Variants in COP1 observed in about 807,000 individuals in gnomAD.
COP1 encodes the protein E3 ubiquitin-protein ligase COP1.
Under a neutral mutation model 101.3 loss-of-function variants are expected in COP1, and 24 were observed. The ratio of observed to expected loss-of-function variants is 0.24; its 90% CI spans 0.17 to 0.33. The LOEUF (loss-of-function observed/expected upper bound fraction) is 0.33, where lower values mean the gene tolerates loss of function less well. Ranked by LOEUF, COP1 falls within the 10% of genes least tolerant of loss-of-function variation. The pLI is 1.00. For missense variants in COP1, 663 were observed against 906.2 expected, an observed-to-expected ratio of 0.73 and a Z score of 3.45; for synonymous variants, 347 against 341.9, an observed-to-expected ratio of 1.01 and a Z score of -0.17.
intron 18 of COP1, among the ~76,000 whole-genome samples, chr1:175,963,357 A>G (rs1355950554): frequency 6.6e-6 from 1 of 152,140 alleles, no homozygotes; most frequent in African/African-American, 2.4e-5. Context: ...CTTTATTAGA[A>G]GTTTCTTAAA....
At chr1:176,120,964 C>A (rs1241318316) in intron 8 of COP1, among the ~76,000 whole-genome samples, 1 of 151,758 alleles carries the variant, frequency 6.6e-6, no homozygotes, top group Non-Finnish European at 1.5e-5. Flanking sequence ...TAAACATAGA[C>A]AATAAATATG....
intron 15 of COP1, among the ~76,000 whole-genome samples, chr1:176,000,997 T>A (rs1412837626): frequency 6.6e-6 from 1 of 152,080 alleles, no homozygotes; most frequent in African/African-American, 2.4e-5. Flanking sequence ...ATTATGGCCA[T>A]ACATATTACA....
intron 6 of COP1, among the ~76,000 whole-genome samples, chr1:176,145,971 A>T (rs932994554): frequency 6.6e-6 from 1 of 152,162 alleles, no homozygotes; most frequent in South Asian, 2.1e-4. Context: ...TGGTCACTCT[A>T]CTGTAATTCT....
intron 6 of COP1, among the ~76,000 whole-genome samples, chr1:176,143,614 C>G (rs1433553628): frequency 1.3e-5 from 2 of 151,872 alleles, no homozygotes; most frequent in Non-Finnish European, 2.9e-5. Flanking sequence ...ATAAGCAAAC[C>G]AAACCATATA....
chr1:176,204,220 G>C (rs747850647), intron 1 of COP1, among the ~76,000 whole-genome samples: 4 of 152,098 alleles, frequency 2.6e-5, no homozygotes, highest in Non-Finnish European at 5.9e-5. Flanking sequence ...GCCTCAATGA[G>C]AAAATAATTA....
intron 1 of COP1, among the ~76,000 whole-genome samples, chr1:176,197,887 T>C (rs1332547896): frequency 6.6e-6 from 1 of 151,930 alleles, no homozygotes; most frequent in Non-Finnish European, 1.5e-5. Context: ...GAAATCGAAA[T>C]TAAAAGAACA....
At chr1:176,169,705 C>T (rs773812141) in intron 3 of COP1, among the ~76,000 whole-genome samples, 23 of 152,198 alleles carry the variant, frequency 1.5e-4, no homozygotes, top group Admixed American at 1.1e-3. Flanking sequence ...TCCATGTTGA[C>T]GGCTGCTGAC....
chr1:176,084,795 T>C (rs1679828386), intron 10 of COP1, among the ~76,000 whole-genome samples: 1 of 152,096 alleles, frequency 6.6e-6, no homozygotes, highest in Non-Finnish European at 1.5e-5. Flanking sequence ...AATATAAACA[T>C]ATGTATTCAA....
chr1:176,081,229 A>C lies in COP1; in HGVS notation c.1200T>G (p.Thr400=). Residue 400 remains threonine (T), a synonymous_variant, in exon 11 of 20, where the codon ACT becomes ACG. Transcript: ENST00000367669. ...CTAAAGGTCGTACTGAATTATATCG[A>C]GTAAACTTGGACAAGCATTCCTGAA... ...DEFQECLSKF[T]RYNSVRPLAT... is the part of the protein sequence containing the mutation. The C allele has an allele frequency of 6.2e-7, 1 of 1,610,922 alleles. No individual in the cohort carries two copies. The highest frequency in any genetic ancestry group is 8.5e-7 in the Non-Finnish European group (1 of 1,178,054).
At chr1:176,113,320 C>A (rs535362318) in intron 9 of COP1, among the ~76,000 whole-genome samples, 1 of 152,120 alleles carries the variant, frequency 6.6e-6, no homozygotes, top group Non-Finnish European at 1.5e-5. Flanking sequence ...TTTACATATA[C>A]CTATTGACCA....
At chr1:176,058,125 G>A (rs1571978836) in intron 11 of COP1, among the ~76,000 whole-genome samples, 1 of 73,442 alleles carries the variant, frequency 1.4e-5, no homozygotes, top group South Asian at 5.7e-4. Context: ...CCGTCGGGAG[G>A]GAGGTGGGGT....
intron 6 of COP1, among the ~76,000 whole-genome samples, chr1:176,140,632 C>A (rs973594149): frequency 6.6e-6 from 1 of 152,026 alleles, no homozygotes; most frequent in Non-Finnish European, 1.5e-5. Flanking sequence ...GTAAACATAA[C>A]CCCGGGAAGG....
intron 14 of COP1, among the ~76,000 whole-genome samples, chr1:176,039,723 C>T (rs1470723199): frequency 6.6e-6 from 1 of 151,938 alleles, no homozygotes; most frequent in Non-Finnish European, 1.5e-5. Flanking sequence ...ACATATAAAC[C>T]AACAGAAGAG....
intron 15 of COP1, among the ~76,000 whole-genome samples, chr1:176,007,245 C>G (rs1371925726): frequency 1.3e-5 from 2 of 152,102 alleles, no homozygotes; most frequent in Non-Finnish European, 2.9e-5. Flanking sequence ...ATACATTCTT[C>G]TAAATTTTTT....
rs566351916 is a variant in COP1, at chr1:176,191,856, G to A, written c.408-7164C>T. Reference sequence around the variant, plus strand: ...AGACCTGTGTTTAACATTGCCTTAAGTCACAGGCTCTATGAATAAGGAGAC... The same window carrying A: ...AGACCTGTGTTTAACATTGCCTTAAATCACAGGCTCTATGAATAAGGAGAC... On this transcript the variant is annotated intron_variant, in intron 1 of 19. Transcript: ENST00000367669. Among the ~76,000 whole-genome samples, 9 of 152,232 alleles carry A rather than the reference G, an allele frequency of 5.9e-5. No individual in the cohort carries two copies. In the South Asian group the frequency reaches 8.3e-4, roughly 14 times the overall value.
chr1:176,181,860 A>T (rs1697824129), intron 2 of COP1, among the ~76,000 whole-genome samples: 1 of 151,814 alleles, frequency 6.6e-6, no homozygotes, highest in African/African-American at 2.4e-5. Flanking sequence ...AAACCAAACA[A>T]ATAAACAAAA....
chr1:176,021,938 CT>C (rs35280966), intron 15 of COP1, among the ~76,000 whole-genome samples: 2 of 152,206 alleles, frequency 1.3e-5, no homozygotes, highest in Non-Finnish European at 2.9e-5. Flanking sequence ...TACTTGTTAA[CT>C]TTCGTGTTCA....
At chr1:176,078,483 T>C (rs1372568173) in intron 11 of COP1, among the ~76,000 whole-genome samples, 2 of 152,070 alleles carry the variant, frequency 1.3e-5, no homozygotes, top group African/African-American at 4.8e-5. Flanking sequence ...TTTCACCATA[T>C]ACAATAACTC....
chr1:175,971,978 C>T (rs1424865778), intron 18 of COP1, among the ~76,000 whole-genome samples: 9 of 152,182 alleles, frequency 5.9e-5, no homozygotes, highest in South Asian at 2.1e-4. Context: ...TTTGCGGCAG[C>T]GACTGTTGGA....
Sources: allele counts gnomAD v4.1 joint callset (sites outside exome capture counted in the v4.1 genomes callset), GRCh38; gene constraint gnomAD v4.1.1; transcripts MANE v1.5; gene names NCBI Gene and HGNC (gene_info 2026-07-23, HGNC 2026-07-21).